RBFOX1: variants seen among roughly 807,000 people sequenced by gnomAD.
RBFOX1 encodes RNA binding protein fox-1 homolog 1.
Under a neutral mutation model 57.7 loss-of-function variants are expected in RBFOX1, and 8 were observed. The observed-to-expected ratio is 0.14, with a 90% CI of 0.08 to 0.25. The LOEUF is 0.25. Ranked by LOEUF, RBFOX1 falls within the 10% of genes least tolerant of loss-of-function variation. RBFOX1 has a pLI of 1.00. For missense variants in RBFOX1, 611 were observed against 548.5 expected, an observed-to-expected ratio of 1.11 and a Z score of -1.14; for synonymous variants, 326 against 222.4, an observed-to-expected ratio of 1.47 and a Z score of -4.15.
intron 2 of RBFOX1, among the ~76,000 whole-genome samples, chr16:6,413,574 T>A (rs1355481492): frequency 6.6e-6 from 1 of 152,180 alleles, no homozygotes; most frequent in Admixed American, 6.5e-5. Context: ...AGGGTTTTTA[T>A]TCTCATAATC....
At chr16:5,925,261 T>G (rs767504770) in intron 4 of RBFOX1, among the ~76,000 whole-genome samples, 1 of 152,184 alleles carries the variant, frequency 6.6e-6, no homozygotes, top group African/African-American at 2.4e-5. Context: ...GCAAACCAAA[T>G]GTCCATCAGC....
Position 7,068,613 on chromosome 16 carries a change from T to A in RBFOX1, c.27+16515T>A, listed in dbSNP as rs911814711. On this transcript the variant is annotated intron_variant, in intron 4 of 15. Coordinates refer to ENST00000550418, the MANE Select transcript of RBFOX1 (RefSeq NM_018723.4). ...TATTATTTATTATTTTGAGACAGAG[T>A]TTCACTCTTGTTTCCCAGGCTGGAG... Among the ~76,000 whole-genome samples the A allele has an allele frequency of 1.3e-5, 2 of 152,104 alleles. 1 individual carries two copies. Among genetic ancestry groups the A allele is most frequent in the Middle Eastern group, 6.3e-3 (2 of 316 alleles).
At chr16:7,217,894 G>A (rs947478422) in intron 4 of RBFOX1, among the ~76,000 whole-genome samples, 1 of 129,422 alleles carries the variant, frequency 7.7e-6, no homozygotes, top group Non-Finnish European at 1.7e-5. Context: ...GTGTGCATGC[G>A]TATGTGTGTG....
At chr16:7,365,405 C>G (rs934302929) in intron 4 of RBFOX1, among the ~76,000 whole-genome samples, 1 of 152,088 alleles carries the variant, frequency 6.6e-6, no homozygotes, top group East Asian at 1.9e-4. Context: ...CCAGGCAGGA[C>G]AAAAGAACCT....
intron 2 of RBFOX1, among the ~76,000 whole-genome samples, chr16:6,548,161 A>G (rs577536937): frequency 1.5e-3 from 222 of 152,328 alleles, no homozygotes; most frequent in Non-Finnish European, 1.9e-3. Context: ...CTTTACTGAC[A>G]TGCCTTGAAT....
intron 2 of RBFOX1, among the ~76,000 whole-genome samples, chr16:5,489,509 A>G (rs1233677200): frequency 6.6e-6 from 1 of 152,184 alleles, no homozygotes; most frequent in Non-Finnish European, 1.5e-5. Context: ...GGGCAGGATG[A>G]TGTCCTTGTT....
chr16:7,660,953 A>C (rs987580057), intron 12 of RBFOX1, among the ~76,000 whole-genome samples: 1 of 152,178 alleles, frequency 6.6e-6, no homozygotes, highest in Non-Finnish European at 1.5e-5. Context: ...TACATGTCTA[A>C]AGAGGCAATG....
intron 3 of RBFOX1, among the ~76,000 whole-genome samples, chr16:6,956,948 G>A (rs938553278): frequency 4.6e-5 from 7 of 151,976 alleles, no homozygotes; most frequent in Non-Finnish European, 8.8e-5. Context: ...GAGAGTTTTT[G>A]GATTTCACAC....
chr16:5,464,097 C>T (rs958570381), intron 1 of RBFOX1, among the ~76,000 whole-genome samples: 7 of 152,070 alleles, frequency 4.6e-5, no homozygotes, highest in Admixed American at 2.0e-4. Flanking sequence ...GCTGGGAGAA[C>T]GGGGATGCCT....
At chr16:7,484,947 T>G (rs1009353194) in intron 4 of RBFOX1, among the ~76,000 whole-genome samples, 1 of 152,218 alleles carries the variant, frequency 6.6e-6, no homozygotes, top group Non-Finnish European at 1.5e-5. Context: ...ATGCCCCAAG[T>G]TGTTCAAAAC....
intron 3 of RBFOX1, among the ~76,000 whole-genome samples, chr16:6,812,901 C>A (rs939268297): frequency 1.3e-5 from 2 of 152,016 alleles, no homozygotes; most frequent in Non-Finnish European, 2.9e-5. Flanking sequence ...GTCAGAGTGA[C>A]GATGTTTCTA....
At chr16:7,211,416 G>C (rs12596642) in intron 4 of RBFOX1, among the ~76,000 whole-genome samples, 28,061 of 133,666 alleles carry the variant, frequency 0.21, 3,135 homozygotes, top group East Asian at 0.37. Context: ...AAAAAAATTG[G>C]ACTCTGGTTT....
At chr16:7,633,317 T>G (rs1406411342) in intron 11 of RBFOX1, among the ~76,000 whole-genome samples, 1 of 152,212 alleles carries the variant, frequency 6.6e-6, no homozygotes, top group Non-Finnish European at 1.5e-5. Context: ...ATGTTTAAAG[T>G]AAAAATTAAC....
chr16:6,440,886 T>C (rs7194410), intron 2 of RBFOX1, among the ~76,000 whole-genome samples: 5,437 of 150,846 alleles, frequency 0.036, 346 homozygotes, highest in African/African-American at 0.13. Flanking sequence ...GTGAACAGTA[T>C]GGATGAGCTG....
chr16:5,967,251 C>A (rs1430364812), intron 4 of RBFOX1, among the ~76,000 whole-genome samples: 1 of 152,134 alleles, frequency 6.6e-6, no homozygotes, highest in Non-Finnish European at 1.5e-5. Flanking sequence ...ATCTACTAAT[C>A]CCTAAAAATG....
intron 15 of RBFOX1, 134 bp from the exon 16 acceptor site, chr16:7,710,489 G>C: frequency 6.5e-7 from 1 of 1,540,648 alleles, no homozygotes; most frequent in Non-Finnish European, 8.6e-7. Context: ...CTCCAAGAAT[G>C]ACCTGGGATG....
chr16:5,364,049 C>T (rs933667098), intron 1 of RBFOX1, among the ~76,000 whole-genome samples: 5 of 152,192 alleles, frequency 3.3e-5, no homozygotes, highest in African/African-American at 7.2e-5. Flanking sequence ...TCTCCCTCAG[C>T]GATTCCCCGA....
At chr16:6,743,835 A>T (rs1424864216) in intron 3 of RBFOX1, among the ~76,000 whole-genome samples, 1 of 148,312 alleles carries the variant, frequency 6.7e-6, no homozygotes, top group African/African-American at 2.6e-5. Flanking sequence ...TATTTAAAAA[A>T]TCATGTTCAT....
At chr16:7,391,776 G>C (rs953618589) in intron 4 of RBFOX1, among the ~76,000 whole-genome samples, 1 of 152,172 alleles carries the variant, frequency 6.6e-6, no homozygotes, top group Non-Finnish European at 1.5e-5. Context: ...GCTTTTAACA[G>C]TGACTAAAAG....
Sources: allele counts gnomAD v4.1 joint callset (sites outside exome capture counted in the v4.1 genomes callset), GRCh38; gene constraint gnomAD v4.1.1; transcripts MANE v1.5; gene names NCBI Gene and HGNC (gene_info 2026-07-23, HGNC 2026-07-21).